LNX2: variants seen among roughly 807,000 people sequenced by gnomAD.
The protein encoded by LNX2 is ligand of numb-protein X 2.
In LNX2, 35 loss-of-function variants were observed where a neutral mutation model predicts 66.2. The observed-to-expected ratio is 0.53, with a 90% confidence interval of 0.40 to 0.70. The LOEUF is 0.70. Among genes scored for constraint, LNX2 ranks in the 30% least tolerant of loss-of-function variants. LNX2 has a pLI of 0.00. For synonymous variants in LNX2, 337 were observed against 315.6 expected (o/e 1.07, Z -0.72); for missense variants, 791 against 850.8 (o/e 0.93, Z 0.87).
chr13:27,569,764 G>A (rs1041732112), intron 2 of LNX2, among the ~76,000 whole-genome samples: 1 of 152,134 alleles, frequency 6.6e-6, no homozygotes, highest in Non-Finnish European at 1.5e-5. Context: ...AGTGGGTAGT[G>A]AGACATCTGA....
intron 5 of LNX2, 111 bp downstream of exon 5, chr13:27,562,294 CGATTTTCT>C: frequency 1.6e-6 from 2 of 1,285,846 alleles, no homozygotes; most frequent in Non-Finnish European, 2.1e-6. Flanking sequence ...TAGCCACACC[CGATTTTCT>C]AATGAAATAT....
chr13:27,602,287 T>A (rs1955665943), intron 1 of LNX2, among the ~76,000 whole-genome samples: 1 of 152,178 alleles, frequency 6.6e-6, no homozygotes, highest in Non-Finnish European at 1.5e-5. Flanking sequence ...TTTTGCTAAA[T>A]GCATACAACT....
intron 8 of LNX2, among the ~76,000 whole-genome samples, chr13:27,552,974 G>C (rs976828156): frequency 3.4e-4 from 52 of 152,168 alleles, no homozygotes; most frequent in African/African-American, 1.2e-3. Context: ...CTCATGGCTA[G>C]CCCACTGAGG....
At chr13:27,585,569 G>A (rs971292054) in intron 1 of LNX2, among the ~76,000 whole-genome samples, 2 of 151,996 alleles carry the variant, frequency 1.3e-5, no homozygotes, top group Non-Finnish European at 2.9e-5. Context: ...CTCCCTTTGA[G>A]CATCGTAACT....
chr13:27,580,759 C>T (rs1181638445), intron 2 of LNX2, among the ~76,000 whole-genome samples: 1 of 152,108 alleles, frequency 6.6e-6, no homozygotes. Flanking sequence ...CATATTGCAA[C>T]AAAATTATCG....
intron 2 of LNX2, among the ~76,000 whole-genome samples, chr13:27,570,455 T>G (rs1411513165): frequency 6.6e-6 from 1 of 152,238 alleles, no homozygotes; most frequent in East Asian, 1.9e-4. Context: ...TTTCAAGTTC[T>G]TGAAAGGGAT....
rs1021868532 is a variant in LNX2 at position 27,546,258 on chromosome 13, A to G, written c.*2077T>C. 2 of 152,238 alleles carry G rather than the reference A, an allele frequency of 1.3e-5. No individual in the cohort carries two copies. The highest frequency in any genetic ancestry group is 2.4e-5 in the African/African-American group (1 of 41,466). The allele number at this position is 152,238 out of a possible 1,614,324, so 9.4% of individuals were successfully genotyped here. A position where few individuals can be genotyped will look rare whatever the true frequency, so the allele number is the denominator to read the frequency against. ...GTAAGTATTTTGTATATAACAAAGT[A>G]GCAGTCAGGATATTTGTTGATGGAT... On this transcript the variant is annotated 3_prime_UTR_variant, in exon 10 of 10. Transcript: ENST00000316334.
chr13:27,583,831 A>G (rs902099531), intron 1 of LNX2, among the ~76,000 whole-genome samples: 3 of 152,190 alleles, frequency 2.0e-5, no homozygotes, highest in Admixed American at 6.5e-5. Flanking sequence ...CTCTAAGAAA[A>G]GTTATGCACA....
intron 1 of LNX2, among the ~76,000 whole-genome samples, chr13:27,589,602 C>T (rs1955527053): frequency 6.6e-6 from 1 of 151,980 alleles, no homozygotes; most frequent in Non-Finnish European, 1.5e-5. Flanking sequence ...TTTTGAAATT[C>T]TCCTAAACCA....
chr13:27,549,696 G>A (rs1954983630), intron 9 of LNX2, among the ~76,000 whole-genome samples: 1 of 152,202 alleles, frequency 6.6e-6, no homozygotes, highest in Admixed American at 6.5e-5. Flanking sequence ...TTAGCACCGC[G>A]CCAGGCATCC....
intron 4 of LNX2, among the ~76,000 whole-genome samples, 178 bp downstream of exon 4, chr13:27,567,462 T>C (rs1254101578): frequency 6.6e-6 from 1 of 152,038 alleles, no homozygotes; most frequent in Non-Finnish European, 1.5e-5. Flanking sequence ...GAAGAAAAAA[T>C]ACTCTGTGTA....
At position 27,556,322 on chromosome 13, in the gene LNX2, C is replaced by T. The variant is rs940502260; in HGVS notation, c.1460G>A (p.Arg487Lys). Residue 487 changes from arginine (R) to lysine (K), a missense_variant, in exon 7 of 10, where the codon AGG becomes AAG. Transcript: ENST00000316334. ...GGGCAGCTCACCACTCTTACTTCCCCTGCCCCCAGCAACGGTCATGCCAAG... is the reference window on the plus strand; with the variant it reads ...GGGCAGCTCACCACTCTTACTTCCCTTGCCCCCAGCAACGGTCATGCCAAG... ...ESLGMTVAGG[R>K]GSKSGELPIF... 2 of 1,614,012 alleles carry T rather than the reference C, an allele frequency of 1.2e-6. No individual in the cohort carries two copies. The highest frequency in any genetic ancestry group is 1.1e-5 in the South Asian group (1 of 91,076).
At chr13:27,551,314 CAT>C (rs1321740821) in intron 8 of LNX2, among the ~76,000 whole-genome samples, 8 of 151,774 alleles carry the variant, frequency 5.3e-5, no homozygotes, top group Non-Finnish European at 1.0e-4. Flanking sequence ...TATACACACA[CAT>C]GCATATATAA....
Position 27,548,291 on chromosome 13 carries a change from ATC to A in LNX2, c.*42_*43del, listed in dbSNP as rs774797446. ...GAAACCAAAGGGTTTTCTTTCAAAA[ATC>A]TAAAAAAGGAAGATGCAAGATTTGA... On this transcript the variant is annotated 3_prime_UTR_variant, in exon 10 of 10. Transcript: ENST00000316334. 1.3e-6 allele frequency: 2 copies of A among 1,586,812 alleles called. No individual in the cohort carries two copies. Among genetic ancestry groups the A allele is most frequent in the Non-Finnish European group, 1.7e-6 (2 of 1,164,578 alleles).
intron 1 of LNX2, among the ~76,000 whole-genome samples, chr13:27,610,764 C>T (rs1287887298): frequency 1.3e-5 from 2 of 151,942 alleles, no homozygotes; most frequent in Non-Finnish European, 2.9e-5. Context: ...TGAGGTACTC[C>T]TACATCTCAA....
chr13:27,606,609 A>G (rs570871845), intron 1 of LNX2, among the ~76,000 whole-genome samples: 6 of 152,190 alleles, frequency 3.9e-5, no homozygotes, highest in Non-Finnish European at 8.8e-5. Flanking sequence ...TAAAATATCT[A>G]TGTATTAATA....
chr13:27,611,884 CTG>C (rs1210980434), intron 1 of LNX2, among the ~76,000 whole-genome samples: 1 of 152,258 alleles, frequency 6.6e-6, no homozygotes, highest in Admixed American at 6.5e-5. Flanking sequence ...GTCAATGGAA[CTG>C]TGTTTGTTTT....
chr13:27,603,028 T>A (rs1342831283), intron 1 of LNX2, among the ~76,000 whole-genome samples: 1 of 152,158 alleles, frequency 6.6e-6, no homozygotes, highest in Non-Finnish European at 1.5e-5. Context: ...TTTCAAGAAG[T>A]CACATGATTT....
intron 4 of LNX2, among the ~76,000 whole-genome samples, chr13:27,566,905 T>C (rs1955212752): frequency 6.6e-6 from 1 of 152,134 alleles, no homozygotes; most frequent in Non-Finnish European, 1.5e-5. Context: ...TCCAGGCCGG[T>C]ATTAACATCA....
Sources: gnomAD v4.1 joint callset for allele counts (sites outside exome capture counted in the v4.1 genomes callset) on GRCh38, gnomAD v4.1.1 for gene constraint, MANE v1.5 for transcripts, NCBI Gene and HGNC (gene_info 2026-07-23, HGNC 2026-07-21) for gene names.